BACE1: variants seen among roughly 807,000 people sequenced by gnomAD.
The protein encoded by BACE1 is APP beta-secretase.
Under a neutral mutation model 54.0 loss-of-function variants are expected in BACE1, and 21 were observed. That is an observed-to-expected ratio of 0.39 (90% CI 0.28 to 0.56). BACE1 has a LOEUF of 0.56. Ranked by LOEUF, BACE1 falls within the 20% of genes least tolerant of loss-of-function variation. The pLI is 0.63. For missense variants in BACE1, 511 were observed against 661.2 expected, an observed-to-expected ratio of 0.77 and a Z score of 2.49; for synonymous variants, 232 against 260.9, an observed-to-expected ratio of 0.89 and a Z score of 1.07.
rs2034328307 is a variant in BACE1, at chr11:117,288,660, T to C, written c.*906A>G. 1 of 152,572 alleles carries C rather than the reference T, an allele frequency of 6.6e-6. No individual in the cohort carries two copies. The highest frequency in any genetic ancestry group is 2.1e-4 in the South Asian group (1 of 4,830). 9.5% of individuals were successfully genotyped at this position (152,572 alleles called of 1,614,324 possible). A position where few individuals can be genotyped will look rare whatever the true frequency, so the allele number is the denominator to read the frequency against. On this transcript the variant is annotated 3_prime_UTR_variant, in exon 9 of 9. Coordinates refer to ENST00000313005, the MANE Select transcript of BACE1 (RefSeq NM_012104.6). ...TAGGATATTTCAGTGCTGCCTATCA[T>C]ATGTAGAATAAAGGGTGGTTCAGAT... is the stretch of plus-strand genomic sequence containing the variant.
chr11:117,293,301 C>A lies in BACE1; in HGVS notation c.706-113G>T. Reference sequence around the variant, plus strand: ...TTGGGGTGGCAAGGTCTTCTACAGGCTACCCTTTTCATCTTCCTGCTTCTA... The same window carrying A: ...TTGGGGTGGCAAGGTCTTCTACAGGATACCCTTTTCATCTTCCTGCTTCTA... On this transcript the variant is annotated intron_variant, in intron 4 of 8. Transcript: ENST00000313005. This position sits in a 1 kb window ranked among gnomAD's most constrained non-coding sequence, Gnocchi z 4.1. 4 of 1,104,424 alleles carry A rather than the reference C, an allele frequency of 3.6e-6. No individual in the cohort carries two copies. Among genetic ancestry groups the A allele is most frequent in the Non-Finnish European group, 5.1e-6 (4 of 778,162 alleles). 68.4% of individuals were successfully genotyped at this position (1,104,424 alleles called of 1,614,324 possible).
chr11:117,290,351 G>T, intron 8 of BACE1, 137 bp downstream of exon 8: 1 of 1,082,804 alleles, frequency 9.2e-7, no homozygotes, highest in Non-Finnish European at 1.3e-6. Context: ...ACTAGCTTTT[G>T]CACAACTGTT....
At position 117,285,836 on chromosome 11, in the gene BACE1, T is replaced by C. The variant is rs7083; in HGVS notation, c.*3730A>G. ...ATAACCAGGTCCCAATTCCTCCATG[T>C]ACCCCACAAGCTTCTGTCCACCCTA... On this transcript the variant is annotated 3_prime_UTR_variant, in exon 9 of 9. Transcript: ENST00000313005. 0.72 allele frequency: 109,015 copies of C among 152,312 alleles called. 40,509 individuals carry two copies. The highest frequency in any genetic ancestry group is 0.95 in the East Asian group (4,910 of 5,172). The allele number at this position is 152,312 out of a possible 1,614,324, so 9.4% of individuals were successfully genotyped here. A position where few individuals can be genotyped will look rare whatever the true frequency, so the allele number is the denominator to read the frequency against.
Position 117,287,031 on chromosome 11 carries a change from A to G in BACE1, c.*2535T>C, listed in dbSNP as rs2034282833. ...TTCAGTATCCCCTGCAAATTTAGAA[A>G]TTGAAAATGAGTGTAAAGCATATTG... is the stretch of plus-strand genomic sequence containing the variant. On this transcript the variant is annotated 3_prime_UTR_variant, in exon 9 of 9. Coordinates refer to ENST00000313005, the MANE Select transcript of BACE1 (RefSeq NM_012104.6). 1 of 152,258 alleles carries G rather than the reference A, an allele frequency of 6.6e-6. No individual in the cohort carries two copies. The highest frequency in any genetic ancestry group is 2.4e-5 in the African/African-American group (1 of 41,458). 9.4% of individuals were successfully genotyped at this position (152,258 alleles called of 1,614,324 possible). A position where few individuals can be genotyped will look rare whatever the true frequency, so the allele number is the denominator to read the frequency against.
chr11:117,293,601 ATTT>A lies in BACE1; in HGVS notation c.705+267_705+269del, dbSNP rs1248184825. On this transcript the variant is annotated intron_variant, in intron 4 of 8. Transcript: ENST00000313005. The surrounding 1 kb of genome is among the most constrained non-coding windows in gnomAD (Gnocchi z 4.1). ...TGCCTTCTGACCATCAAACTGAATA[ATTT>A]TAATTCAACAGGTCTTATTTTCATT... is the stretch of plus-strand genomic sequence containing the variant. 2 of 326,306 alleles carry A rather than the reference ATTT, an allele frequency of 6.1e-6. No individual in the cohort carries two copies. Among genetic ancestry groups the A allele is most frequent in the Non-Finnish European group, 1.1e-5 (2 of 182,884 alleles). 20.2% of individuals were successfully genotyped at this position (326,306 alleles called of 1,614,324 possible).
At chr11:117,305,301 A>C (rs1466992375) in intron 1 of BACE1, among the ~76,000 whole-genome samples, 31 of 152,178 alleles carry the variant, frequency 2.0e-4, no homozygotes, top group Admixed American at 1.9e-3. Flanking sequence ...AGAGGAGCCT[A>C]AAGTCAGCAG....
rs1373799936 is a variant in BACE1, at chr11:117,288,656, A to C, written c.*910T>G. On this transcript the variant is annotated 3_prime_UTR_variant, in exon 9 of 9. Transcript: ENST00000313005. ...GGGTTAGGATATTTCAGTGCTGCCTATCATATGTAGAATAAAGGGTGGTTC... is the reference window on the plus strand; with the variant it reads ...GGGTTAGGATATTTCAGTGCTGCCTCTCATATGTAGAATAAAGGGTGGTTC... 6.6e-6 allele frequency: 1 copy of C among 152,586 alleles called. No homozygotes were observed. The highest frequency in any genetic ancestry group is 1.5e-5 in the Non-Finnish European group (1 of 68,034). The allele number at this position is 152,586 out of a possible 1,614,324, so 9.5% of individuals were successfully genotyped here.
At chr11:117,304,881 T>G (rs1451364268) in intron 1 of BACE1, among the ~76,000 whole-genome samples, 1 of 151,882 alleles carries the variant, frequency 6.6e-6, no homozygotes, top group Non-Finnish European at 1.5e-5. Flanking sequence ...GAGTAGATGC[T>G]CCGTAATGAT....
rs1357306935 is a variant in BACE1 at position 117,295,213 on chromosome 11, G to C, written c.485C>G (p.Ala162Gly). ...GAAGAACTTGTCTGATTCAGTGATG[G>C]CAGCAATGTTGGCACGCACAGTGAC... ...PNVTVRANIA[A>G]ITESDKFFIN... Residue 162 changes from alanine to glycine, a missense_variant, in exon 3 of 9, where the codon GCC becomes GGC. Coordinates refer to ENST00000313005, the MANE Select transcript of BACE1 (RefSeq NM_012104.6). The C allele has an allele frequency of 6.2e-7, 1 of 1,614,192 alleles. No individual in the cohort carries two copies. Among genetic ancestry groups the C allele is most frequent in the South Asian group, 1.1e-5 (1 of 91,088 alleles).
rs1565352338 is a variant in BACE1 at position 117,286,643 on chromosome 11, T to A, written c.*2923A>T. On this transcript the variant is annotated 3_prime_UTR_variant, in exon 9 of 9. Coordinates refer to ENST00000313005, the MANE Select transcript of BACE1 (RefSeq NM_012104.6). ...CTGCCTTTGATACTCTTTTCCTTCT[T>A]TGTCTTTCATCCTTGCCTATCACCT... The A allele has an allele frequency of 1.3e-5, 2 of 152,780 alleles. No individual in the cohort carries two copies. Among genetic ancestry groups the A allele is most frequent in the Non-Finnish European group, 2.9e-5 (2 of 68,122 alleles). The allele number at this position is 152,780 out of a possible 1,614,324, so 9.5% of individuals were successfully genotyped here.
intron 1 of BACE1, among the ~76,000 whole-genome samples, chr11:117,308,161 G>A (rs1000529873): frequency 2.0e-5 from 3 of 151,996 alleles, no homozygotes; most frequent in African/African-American, 7.3e-5. Flanking sequence ...TGCCAAGCAG[G>A]GAAGGAGAGG....
At chr11:117,300,581 C>T (rs973899451) in intron 1 of BACE1, among the ~76,000 whole-genome samples, 5 of 152,178 alleles carry the variant, frequency 3.3e-5, no homozygotes, top group East Asian at 1.9e-4. Context: ...CTGCAGCCGC[C>T]GAACCCCAGC....
intron 5 of BACE1, chr11:117,292,078 G>C (rs764274295): frequency 1.7e-4 from 37 of 211,654 alleles, no homozygotes; most frequent in Non-Finnish European, 2.6e-4. Context: ...CCAGCAGAGA[G>C]AAGGCACTTG....
intron 3 of BACE1, 23 bp downstream of exon 3, chr11:117,295,108 G>A (rs762876079): frequency 4.4e-6 from 7 of 1,604,306 alleles, no homozygotes; most frequent in East Asian, 4.5e-5. Flanking sequence ...AGAGTGTGTA[G>A]GGCCAAGCCC....
At position 117,287,468 on chromosome 11, in the gene BACE1, A is replaced by C. The variant is rs1195420030; in HGVS notation, c.*2098T>G. ...CTTTTTTTTACACTTAGAGTTTATA[A>C]TTTTGGGGCAGGAAGGAAGTAACTG... On this transcript the variant is annotated 3_prime_UTR_variant, in exon 9 of 9. Transcript: ENST00000313005. The C allele has an allele frequency of 6.6e-6, 1 of 152,618 alleles. No homozygotes were observed. The highest frequency in any genetic ancestry group is 1.9e-4 in the East Asian group (1 of 5,206). The allele number at this position is 152,618 out of a possible 1,614,324, so 9.5% of individuals were successfully genotyped here.
intron 1 of BACE1, among the ~76,000 whole-genome samples, chr11:117,309,660 T>C (rs557243672): frequency 1.3e-5 from 2 of 152,374 alleles, no homozygotes; most frequent in East Asian, 3.9e-4. Context: ...TGTTTCACTA[T>C]TTGTACCAAA....
chr11:117,303,728 G>C (rs568219143), intron 1 of BACE1, among the ~76,000 whole-genome samples: 1 of 152,286 alleles, frequency 6.6e-6, no homozygotes, highest in South Asian at 2.1e-4. Context: ...CTCTGGAGTG[G>C]GGGCTCTAGC....
At chr11:117,312,738 C>T (rs2034977124) in intron 1 of BACE1, among the ~76,000 whole-genome samples, 1 of 152,208 alleles carries the variant, frequency 6.6e-6, no homozygotes, top group South Asian at 2.1e-4. Flanking sequence ...GTTGGGATTA[C>T]AGGCGTGAGC....
chr11:117,302,303 C>A (rs681120), intron 1 of BACE1, among the ~76,000 whole-genome samples: 114,786 of 152,114 alleles, frequency 0.75, 44,606 homozygotes, highest in East Asian at 0.95. Context: ...ACTGCACTCC[C>A]GTCTGGGCAA....
Sources: gnomAD v4.1 joint callset for allele counts (sites outside exome capture counted in the v4.1 genomes callset) on GRCh38, gnomAD v4.1.1 for gene constraint, Gnocchi (gnomAD v3.1) non-coding constraint, MANE v1.5 for transcripts, NCBI Gene and HGNC (gene_info 2026-07-23, HGNC 2026-07-21) for gene names.